SCRIB: variants seen among roughly 807,000 people sequenced by gnomAD.
SCRIB encodes the protein protein scribble homolog.
SCRIB carries 72 observed loss-of-function variants against 170.0 expected under a neutral mutation model. That is an observed-to-expected ratio of 0.42 (90% confidence interval 0.35 to 0.52). The LOEUF (loss-of-function observed/expected upper bound fraction) is 0.52, where lower values mean the gene tolerates loss of function less well. Among genes scored for constraint, SCRIB ranks in the 20% least tolerant of loss-of-function variants. The pLI is 0.02. For missense variants in SCRIB, 2,475 were observed against 2,338.5 expected (o/e 1.06, Z -1.20); for synonymous variants, 1,298 against 1,044.3 (o/e 1.24, Z -4.68).
intron 24 of SCRIB, 62 bp downstream of exon 24, chr8:143,803,321 C>G: frequency 7.0e-7 from 1 of 1,432,050 alleles, no homozygotes. Context: ...GAGGTGTCAG[C>G]GGCTCACAAC....
rs776587675 is a variant in SCRIB at position 143,815,319 on chromosome 8, G to A, written c.54C>T (p.Asp18=). 1.3e-6 allele frequency: 2 copies of A among 1,577,006 alleles called. No individual in the cohort carries two copies. The highest frequency in any genetic ancestry group is 1.7e-6 in the Non-Finnish European group (2 of 1,164,012). Residue 18 remains aspartate (D), a synonymous_variant, in exon 1 of 37, where the codon GAC becomes GAT. Transcript: ENST00000356994. ...CGGCCTGCAGCGAACAGTGCCGCTT[G>A]TCCACCGACTCCACGTGCCGGTTGC... ...WRCNRHVESV[D]KRHCSLQAVP...
chr8:143,793,229 A>AC, intron 28 of SCRIB, 146 bp from the exon 29 acceptor site: 4 of 522,836 alleles, frequency 7.7e-6, no homozygotes, highest in Non-Finnish European at 1.3e-5. Flanking sequence ...AGGCTCTGCC[A>AC]CCCCCACCCA....
At position 143,795,482 on chromosome 8, in the gene SCRIB, G is replaced by A. The variant is rs782708141; in HGVS notation, c.3652C>T (p.Arg1218Trp). 32 of 1,612,990 alleles carry A rather than the reference G, an allele frequency of 2.0e-5. No individual in the cohort carries two copies. Among genetic ancestry groups the A allele is most frequent in the African/African-American group, 4.0e-5 (3 of 74,906 alleles). Residue 1218 changes from arginine to tryptophan, a missense_variant, in exon 25 of 37, where the codon CGG becomes TGG. Around this residue, in one of 3 missense-constraint regions of SCRIB, gnomAD observed 1,966 missense variants for 1,742.9 expected, o/e 1.13. Transcript: ENST00000356994. ...ANPFAAGIGH[R>W]NSLESISSID... Reference sequence around the variant, plus strand: ...GAAGAGATGCTCTCCAGGCTGTTCCGGTGGCCGATGCCTGCCGCAAAGGGG... The same window carrying A: ...GAAGAGATGCTCTCCAGGCTGTTCCAGTGGCCGATGCCTGCCGCAAAGGGG...
Position 143,815,649 on chromosome 8 carries a change from G to T in SCRIB, c.-277C>A. 3 of 983,078 alleles carry T rather than the reference G, an allele frequency of 3.1e-6. No homozygotes were observed. The highest frequency in any genetic ancestry group is 3.6e-6 in the Non-Finnish European group (3 of 828,908). 60.9% of individuals were successfully genotyped at this position (983,078 alleles called of 1,614,324 possible). A position where few individuals can be genotyped will look rare whatever the true frequency, so the allele number is the denominator to read the frequency against. ...GCGGCGGCGGCTCCGCATCCCGCTT[G>T]GTCCTGCTCAGCTCGTCCCGCCCGC... On this transcript the variant is annotated 5_prime_UTR_variant, in exon 1 of 37. Transcript: ENST00000356994.
At chr8:143,802,545 C>A (rs1815217970) in intron 24 of SCRIB, among the ~76,000 whole-genome samples, 1 of 152,248 alleles carries the variant, frequency 6.6e-6, no homozygotes, top group Admixed American at 6.5e-5. Context: ...CAGGCATCCA[C>A]CCAGCTTCAG....
intron 17 of SCRIB, among the ~76,000 whole-genome samples, 153 bp from the exon 18 acceptor site, chr8:143,806,637 G>T (rs1342318639): frequency 9.9e-5 from 15 of 152,254 alleles, no homozygotes; most frequent in Admixed American, 9.8e-4. Flanking sequence ...GGGATCCTGA[G>T]TGCCAGGGGG....
At chr8:143,811,869 C>T (rs1323805754) in intron 9 of SCRIB, among the ~76,000 whole-genome samples, 5 of 152,184 alleles carry the variant, frequency 3.3e-5, no homozygotes, top group Admixed American at 2.0e-4. Flanking sequence ...GCAACACCAC[C>T]GTCCCGAACC....
In SCRIB at chr8:143,805,034, A is replaced by C; in HGVS notation, c.2671-20T>G. 2.5e-6 allele frequency: 4 copies of C among 1,584,342 alleles called. No individual in the cohort carries two copies. Among genetic ancestry groups the C allele is most frequent in the Non-Finnish European group, 3.4e-6 (4 of 1,168,280 alleles). On this transcript the variant is annotated intron_variant, in intron 19 of 36. Transcript: ENST00000356994. ...GATGCCCTGCAGGGGAGGGTGGAGG[A>C]GGCAGGGCTGCCGGTGAGGCTGGAG...
Position 143,793,044 on chromosome 8 carries a change from C to G in SCRIB, c.3949G>C (p.Val1317Leu), listed in dbSNP as rs1554633357. The G allele has an allele frequency of 1.3e-6, 2 of 1,498,548 alleles. No individual in the cohort carries two copies. Among genetic ancestry groups the G allele is most frequent in the East Asian group, 5.1e-5 (2 of 39,156 alleles). The allele number at this position is 1,498,548 out of a possible 1,614,324, so 92.8% of individuals were successfully genotyped here. Residue 1317 changes from valine (V) to leucine (L), a missense_variant, in exon 29 of 37, where the codon GTG (valine) becomes CTG (leucine). Around this residue, in one of 3 missense-constraint regions of SCRIB, gnomAD observed 1,966 missense variants for 1,742.9 expected, o/e 1.13. Transcript: ENST00000356994. The stretch of plus-strand genomic sequence containing the variant: ...GCGAAGGCCCTGTAGGCCTGCTTCA[C>G]ATTGGCGGGCAGCTCATCCGGAGAA... ...PPSPDELPAN[V>L]KQAYRAFAAV...
At chr8:143,795,917 C>T (rs1287833305) in intron 24 of SCRIB, among the ~76,000 whole-genome samples, 2 of 152,216 alleles carry the variant, frequency 1.3e-5, no homozygotes, top group East Asian at 1.9e-4. Flanking sequence ...TGGGGCAGAA[C>T]GGCCCCCTCG....
chr8:143,803,413 G>A lies in SCRIB; in HGVS notation c.3573C>T (p.Gly1191=), dbSNP rs1554635385. 1.3e-6 allele frequency: 2 copies of A among 1,589,590 alleles called. No homozygotes were observed. Among genetic ancestry groups the A allele is most frequent in the Non-Finnish European group, 1.7e-6 (2 of 1,172,538 alleles). Residue 1191 remains glycine, a synonymous_variant, in exon 24 of 37, where the codon GGC becomes GGT. Transcript: ENST00000356994. ...GGGCTGCGTCGGTGCTGGCCTCAAA[G>A]CCGTCACAGACCAGCACGGTGAGGG... ...GDTLTVLVCD[G]FEASTDAALE...
At chr8:143,807,423 G>C in intron 16 of SCRIB, 129 bp downstream of exon 16, 2 of 821,902 alleles carry the variant, frequency 2.4e-6, no homozygotes, top group Non-Finnish European at 4.2e-6. Context: ...CTGGAGCCCA[G>C]CTGGATCTGA....
chr8:143,799,447 C>T (rs1463882101), intron 24 of SCRIB, among the ~76,000 whole-genome samples: 4 of 152,166 alleles, frequency 2.6e-5, no homozygotes, highest in Non-Finnish European at 4.4e-5. Context: ...GAAGAGGATG[C>T]GGACAGCAGG....
At chr8:143,811,910 G>A (rs1815744420) in intron 9 of SCRIB, among the ~76,000 whole-genome samples, 1 of 152,184 alleles carries the variant, frequency 6.6e-6, no homozygotes, top group East Asian at 1.9e-4. Context: ...GCCCTGCTTT[G>A]TGAGGGGCAG....
rs1814723391 is a variant in SCRIB at position 143,792,282 on chromosome 8, G to A, written c.4452C>T (p.Ala1484=). 6.4e-7 allele frequency: 1 copy of A among 1,566,058 alleles called. No homozygotes were observed. Among genetic ancestry groups the A allele is most frequent in the South Asian group, 1.1e-5 (1 of 87,212 alleles). The change falls in exon 32 of 37, where the codon GCC becomes GCT. Residue 1484 remains alanine (A), a synonymous_variant. Transcript: ENST00000356994. ...GGGCCCGGAGCTCGGCAGGGGACAG[G>A]GCACGCTCGGGTGCCGGTGGCTCCG... ...QSPEPPAPER[A]LSPAELRALE...
In SCRIB at chr8:143,815,239, G is replaced by A; in HGVS notation, c.134C>T (p.Ala45Val). ...SRSLEELLLD[A>V]NQLRELPKPF... ...CTTGGGCAGCTCGCGCAGCTGGTTGGCGTCGAGCAGCAGCTCCTCCAGGCT... is the reference window on the plus strand; with the variant it reads ...CTTGGGCAGCTCGCGCAGCTGGTTGACGTCGAGCAGCAGCTCCTCCAGGCT... Residue 45 changes from alanine (A) to valine (V), a missense_variant, in exon 1 of 37, where the codon GCC (alanine) becomes GTC (valine). Physicochemically the swap from Ala to Val is moderately conservative, Grantham distance 64 (BLOSUM62 0). This residue lies in a region of SCRIB where 487 missense variants were observed against 558.1 expected (regional missense o/e 0.87). Transcript: ENST00000356994. 6.3e-7 allele frequency: 1 copy of A among 1,592,794 alleles called. No homozygotes were observed. Among genetic ancestry groups the A allele is most frequent in the Non-Finnish European group, 8.5e-7 (1 of 1,174,588 alleles).
At chr8:143,804,269 A>C (rs1563797718) in intron 21 of SCRIB, 113 bp from the exon 22 acceptor site, 5 of 803,872 alleles carry the variant, frequency 6.2e-6, no homozygotes, top group Non-Finnish European at 9.8e-6. Flanking sequence ...GGGCTGCCCT[A>C]ATGCCCACGG....
In SCRIB at chr8:143,791,776, G is replaced by C; in HGVS notation, c.4696-36C>G. ...CAGCGTGAGGGGAGAGGCAGAGAGT[G>C]AGAGGAAAGGGGGGGATGAGGGCCA... On this transcript the variant is annotated intron_variant, in intron 34 of 36. Coordinates refer to ENST00000356994, the MANE Select transcript of SCRIB (RefSeq NM_182706.5). 2.8e-6 allele frequency: 4 copies of C among 1,446,414 alleles called. No homozygotes were observed. In the South Asian group the frequency reaches 3.5e-5, roughly 13 times the overall value. The allele number at this position is 1,446,414 out of a possible 1,614,324, so 89.6% of individuals were successfully genotyped here. A position where few individuals can be genotyped will look rare whatever the true frequency, so the allele number is the denominator to read the frequency against.
In SCRIB at chr8:143,792,072, C is replaced by G. The variant is rs1554632889; in HGVS notation, c.4576G>C (p.Gly1526Arg). 4 of 1,595,346 alleles carry G rather than the reference C, an allele frequency of 2.5e-6. No individual in the cohort carries two copies. Among genetic ancestry groups the G allele is most frequent in the Non-Finnish European group, 2.5e-6 (3 of 1,176,500 alleles). ...AQMVLSRSQE[G>R]RGTRGPLERL... The stretch of plus-strand genomic sequence containing the variant: ...TCCAGGGGCCCCCGCGTGCCCCGGC[C>G]TTCCTGGGACCTGCTGAGGACCATC... The change falls in exon 33 of 37, where the codon GGC becomes CGC. Residue 1526 changes from glycine (G) to arginine (R), a missense_variant. By Grantham distance (125) the Gly-to-Arg change is moderately radical. Transcript: ENST00000356994.
Sources: gnomAD v4.1 joint callset for allele counts (sites outside exome capture counted in the v4.1 genomes callset) on GRCh38, gnomAD v4.1.1 for gene constraint, gnomAD v4.1.1 regional missense constraint, MANE v1.5 for transcripts, NCBI Gene and HGNC (gene_info 2026-07-23, HGNC 2026-07-21) for gene names.